Variants in SIPA1L2 observed in about 807,000 individuals in gnomAD.
SIPA1L2 encodes signal-induced proliferation-associated 1-like protein 2.
SIPA1L2 carries 56 observed loss-of-function variants against 163.9 expected under a neutral mutation model. The observed-to-expected ratio is 0.34, with a 90% confidence interval of 0.28 to 0.43. The LOEUF is 0.43. SIPA1L2 is among the 20% of genes least tolerant of loss of function. The pLI is 1.00. For synonymous variants in SIPA1L2, 877 were observed against 865.7 expected (o/e 1.01, Z -0.23); for missense variants, 1,974 against 2,193.5 (o/e 0.90, Z 2.00).
rs932559539 is a variant in SIPA1L2, at chr1:232,512,802, T to TA, written c.1483+1054dup. Among the ~76,000 whole-genome samples, 22 of 150,662 alleles carry TA rather than the reference T, an allele frequency of 1.5e-4. 1 individual carries two copies. The highest frequency in any genetic ancestry group is 8.4e-4 in the South Asian group (4 of 4,740). On this transcript the variant is annotated intron_variant, in intron 3 of 22. Transcript: ENST00000674635. ...AGAACATGTATCCCAGAACTTAAAG[T>TA]AAAAAAAAAAATAAATAAATAAAAG...
At chr1:232,567,518 A>G (rs1242182172) in intron 2 of SIPA1L2, among the ~76,000 whole-genome samples, 1 of 152,224 alleles carries the variant, frequency 6.6e-6, no homozygotes, top group Non-Finnish European at 1.5e-5. Context: ...GAAAATAAAT[A>G]AATTTCTAAT....
intron 19 of SIPA1L2, 65 bp from the exon 20 acceptor site, chr1:232,404,243 G>T: frequency 6.6e-7 from 1 of 1,504,790 alleles, no homozygotes; most frequent in Non-Finnish European, 9.2e-7. Context: ...AATCTCGGGG[G>T]CCCACAAAAT....
At chr1:232,441,217 A>C in intron 14 of SIPA1L2, 74 bp downstream of exon 14, 1 of 1,129,848 alleles carries the variant, frequency 8.9e-7, no homozygotes, top group Non-Finnish European at 1.2e-6. Context: ...CCCAGGAATC[A>C]GGCTGTACCA....
chr1:232,412,203 G>A (rs1331881300), intron 19 of SIPA1L2, among the ~76,000 whole-genome samples: 1 of 152,170 alleles, frequency 6.6e-6, no homozygotes, highest in Non-Finnish European at 1.5e-5. Context: ...CATATCATAT[G>A]CCAAAATGTG....
chr1:232,503,033 A>G (rs541109881), intron 3 of SIPA1L2, among the ~76,000 whole-genome samples: 2 of 152,292 alleles, frequency 1.3e-5, no homozygotes, highest in South Asian at 2.1e-4. Context: ...ACAACGAGCA[A>G]GGCTTCCCAG....
intron 2 of SIPA1L2, among the ~76,000 whole-genome samples, chr1:232,570,945 TAA>T (rs11300623): frequency 2.3e-3 from 175 of 76,754 alleles, no homozygotes; most frequent in Admixed American, 5.1e-3. Flanking sequence ...CCAGAAACTA[TAA>T]AAAAAAAAAA....
chr1:232,621,411 C>G (rs1662804677), intron 1 of SIPA1L2, among the ~76,000 whole-genome samples: 1 of 152,180 alleles, frequency 6.6e-6, no homozygotes, highest in African/African-American at 2.4e-5. Flanking sequence ...TTCCTTTCAT[C>G]ATGATTTATT....
rs1406349383 is a variant in SIPA1L2, at chr1:232,428,559, T to C, written c.4262A>G (p.Tyr1421Cys). ...TGTGGACATGACATCCATCTCACTA[T>C]ACATCCTGTTGAAAACAATCAGAAT... ...EPEVTECPGM[Y>C]SEMDVMSTAT... Residue 1421 changes from tyrosine to cysteine, a missense_variant, in exon 17 of 23, where the codon TAT becomes TGT. Around this residue, in one of 3 missense-constraint regions of SIPA1L2, gnomAD observed 1,079 missense variants for 1,150.7 expected, o/e 0.94. Transcript: ENST00000674635. The C allele has an allele frequency of 2.6e-6, 4 of 1,550,574 alleles. No individual in the cohort carries two copies. Among genetic ancestry groups the C allele is most frequent in the Non-Finnish European group, 3.5e-6 (4 of 1,152,166 alleles).
intron 1 of SIPA1L2, among the ~76,000 whole-genome samples, 95 bp downstream of exon 1, chr1:232,629,774 G>A (rs1363985094): frequency 2.0e-5 from 3 of 151,844 alleles, no homozygotes; most frequent in African/African-American, 7.3e-5. Flanking sequence ...GCGCCCCGAA[G>A]GGCATCCCCT....
intron 1 of SIPA1L2, among the ~76,000 whole-genome samples, chr1:232,628,836 A>G (rs1204855059): frequency 6.6e-6 from 1 of 152,232 alleles, no homozygotes; most frequent in African/African-American, 2.4e-5. Flanking sequence ...CAAAAGAGGC[A>G]AAGAAAAGAA....
chr1:232,521,585 C>A (rs978851503), intron 2 of SIPA1L2, among the ~76,000 whole-genome samples: 6 of 152,188 alleles, frequency 3.9e-5, no homozygotes, highest in Admixed American at 3.9e-4. Flanking sequence ...TACTCCCAGT[C>A]ATGCCTGACA....
At chr1:232,462,884 T>A (rs1052112340) in intron 9 of SIPA1L2, among the ~76,000 whole-genome samples, 10 of 152,200 alleles carry the variant, frequency 6.6e-5, no homozygotes, top group Admixed American at 2.0e-4. Context: ...TCCCCTACTT[T>A]GTCTTTTTGC....
intron 2 of SIPA1L2, among the ~76,000 whole-genome samples, chr1:232,571,470 A>C (rs2148324): frequency 0.24 from 36,105 of 152,202 alleles, 4,506 homozygotes; most frequent in South Asian, 0.37. Context: ...CATTTTATAC[A>C]TTTCTGTGTT....
chr1:232,560,029 G>C (rs1011158770), intron 2 of SIPA1L2, among the ~76,000 whole-genome samples: 2 of 152,154 alleles, frequency 1.3e-5, no homozygotes, highest in Non-Finnish European at 2.9e-5. Flanking sequence ...TTTGATCCCT[G>C]CCTAATCTGC....
intron 15 of SIPA1L2, 48 bp downstream of exon 15, chr1:232,439,060 G>A (rs1015681186): frequency 5.8e-6 from 9 of 1,538,532 alleles, no homozygotes; most frequent in Non-Finnish European, 7.0e-6. Flanking sequence ...AGCAGGCAGG[G>A]CCCAGGTGGC....
chr1:232,459,474 T>C (rs966906928), intron 10 of SIPA1L2, among the ~76,000 whole-genome samples: 1 of 152,212 alleles, frequency 6.6e-6, no homozygotes, highest in Non-Finnish European at 1.5e-5. Flanking sequence ...GAATTTATTT[T>C]TTCATATGAA....
At chr1:232,487,548 T>C (rs1295732376) in intron 5 of SIPA1L2, among the ~76,000 whole-genome samples, 1 of 152,176 alleles carries the variant, frequency 6.6e-6, no homozygotes, top group Non-Finnish European at 1.5e-5. Context: ...CTGTCATAAT[T>C]CGTCTAAATA....
chr1:232,442,430 C>G (rs1259361075), intron 12 of SIPA1L2, among the ~76,000 whole-genome samples: 1 of 151,556 alleles, frequency 6.6e-6, no homozygotes, highest in Non-Finnish European at 1.5e-5. Flanking sequence ...CGCCTGTAAT[C>G]CCAGCTACCC....
intron 2 of SIPA1L2, among the ~76,000 whole-genome samples, chr1:232,564,955 G>A (rs373565278): frequency 2.6e-5 from 4 of 152,130 alleles, no homozygotes; most frequent in African/African-American, 7.2e-5. Context: ...TGCATGCGGG[G>A]CTTAAAACCT....
Sources: gnomAD v4.1 joint callset for allele counts (sites outside exome capture counted in the v4.1 genomes callset) on GRCh38, gnomAD v4.1.1 for gene constraint, gnomAD v4.1.1 regional missense constraint, MANE v1.5 for transcripts, NCBI Gene and HGNC (gene_info 2026-07-23, HGNC 2026-07-21) for gene names.